Variants in FGD1 observed in about 807,000 individuals in gnomAD.
FGD1 encodes the protein FYVE, RhoGEF and PH domain containing 1, also known as FYVE, RhoGEF and PH domain-containing protein 1.
A neutral mutation model predicts 65.0 loss-of-function variants in FGD1; 12 were observed. The observed-to-expected ratio is 0.18, with a 90% CI of 0.12 to 0.30. The LOEUF (loss-of-function observed/expected upper bound fraction) is 0.30, where lower values mean the gene tolerates loss of function less well. Ranked by LOEUF, FGD1 falls within the 10% of genes least tolerant of loss-of-function variation. The pLI is 1.00. For synonymous variants in FGD1, 333 were observed against 343.9 expected (o/e 0.97, Z 0.35); for missense variants, 542 against 837.6 (o/e 0.65, Z 4.36).
At chrX:54,484,148 C>G (rs148726601) in intron 1 of FGD1, among the ~76,000 whole-genome samples, 1 of 112,184 alleles carries the variant, frequency 8.9e-6, no homozygotes, top group Non-Finnish European at 1.9e-5. Context: ...TGCTCTCTTC[C>G]GCCTAGGGCT....
Position 54,446,342 on chromosome X carries a change from C to T in FGD1, c.2653G>A (p.Asp885Asn). The T allele has an allele frequency of 8.3e-7, 1 of 1,211,007 alleles. No homozygotes were observed. The highest frequency in any genetic ancestry group is 1.1e-6 in the Non-Finnish European group (1 of 895,039). ...GTGATCTTGAAGACATGCCTTCTGT[C>T]AGGCCGCTCCCCTGCCTCGGGCGGT... ...VGPPEAGERP[D>N]RRHVFKITQS... The change falls in exon 18 of 18, where the codon GAC becomes AAC. Residue 885 changes from aspartate (D) to asparagine (N), a missense_variant. Around this residue, in one of 6 missense-constraint regions of FGD1, gnomAD observed 182 missense variants for 311.4 expected, o/e 0.58. Transcript: ENST00000375135.
rs1025008938 is a variant in FGD1, at chrX:54,456,444, A to G, written c.1695+65T>C. ...GATGCCCACAAGTCACGACACCCCC[A>G]CTCCAGGATGGAGACACCACAGGTG... On this transcript the variant is annotated intron_variant, in intron 9 of 17. Transcript: ENST00000375135. 1.5e-5 allele frequency: 18 copies of G among 1,203,487 alleles called. No individual in the cohort carries two copies. In the African/African-American group the frequency reaches 2.8e-4, roughly 19 times the overall value.
chrX:54,476,763 T>C (rs1405800477), intron 1 of FGD1, among the ~76,000 whole-genome samples: 1 of 111,080 alleles, frequency 9.0e-6, no homozygotes, highest in African/African-American at 3.3e-5. Flanking sequence ...AACGGATTTA[T>C]AATTCCCCAA....
chrX:54,455,659 C>T, intron 11 of FGD1, 33 bp downstream of exon 11: 1 of 1,152,738 alleles, frequency 8.7e-7, no homozygotes, highest in Middle Eastern at 2.5e-4. Flanking sequence ...TGCCCCACTC[C>T]AAGTTCCCAT....
chrX:54,460,601 C>T (rs1303382862), intron 8 of FGD1, among the ~76,000 whole-genome samples: 2 of 111,166 alleles, frequency 1.8e-5, no homozygotes, highest in Non-Finnish European at 1.9e-5. Context: ...TTTAGCTAGG[C>T]GTGGTGGTGG....
At chrX:54,455,997 T>A (rs992192199) in intron 10 of FGD1, among the ~76,000 whole-genome samples, 1 of 112,525 alleles carries the variant, frequency 8.9e-6, no homozygotes, top group South Asian at 3.6e-4. Context: ...GCAAGGCTTA[T>A]TTGCCTCATC....
rs780741710 is a variant in FGD1, at chrX:54,447,338, C to G, written c.2553G>C (p.Leu851Phe). The part of the protein sequence containing the change: ...AWFVVPENEP[L>F]VLYIYGAPQD... ...GAGGGGCTCCGTAGATATACAGCACCAAGGGTTCATTTTCAGGGACCACGA... is the reference window on the plus strand; with the variant it reads ...GAGGGGCTCCGTAGATATACAGCACGAAGGGTTCATTTTCAGGGACCACGA... The change falls in exon 17 of 18, where the codon TTG becomes TTC. Residue 851 changes from leucine (L) to phenylalanine (F), a missense_variant. By Grantham distance (22) the Leu-to-Phe change is conservative (BLOSUM62 0). Around this residue, in one of 6 missense-constraint regions of FGD1, gnomAD observed 182 missense variants for 311.4 expected, o/e 0.58. Transcript: ENST00000375135. 1.2e-5 allele frequency: 14 copies of G among 1,210,458 alleles called. No homozygotes were observed. Among genetic ancestry groups the G allele is most frequent in the Non-Finnish European group, 1.2e-5 (11 of 895,263 alleles).
intron 16 of FGD1, among the ~76,000 whole-genome samples, chrX:54,447,719 T>C (rs1248931113): frequency 2.7e-5 from 3 of 112,539 alleles, no homozygotes; most frequent in African/African-American, 9.7e-5. Context: ...GCATTCTTTC[T>C]TCAGTCAGAG....
intron 3 of FGD1, 58 bp downstream of exon 3, chrX:54,470,525 C>T: frequency 8.5e-7 from 1 of 1,175,251 alleles, no homozygotes; most frequent in Middle Eastern, 2.3e-4. Flanking sequence ...TCCTGACTAT[C>T]CCTTCCTGTC....
At chrX:54,450,558 T>C (rs1922352426) in intron 12 of FGD1, among the ~76,000 whole-genome samples, 1 of 111,066 alleles carries the variant, frequency 9.0e-6, no homozygotes, top group African/African-American at 3.3e-5. Flanking sequence ...CATGGTCTAG[T>C]AGAGGAAATA....
At chrX:54,448,728 G>C (rs374644422) in intron 16 of FGD1, 78 bp downstream of exon 16, 6 of 1,051,360 alleles carry the variant, frequency 5.7e-6, no homozygotes, top group Non-Finnish European at 7.9e-6. Context: ...CCAAATACTC[G>C]GGCCTCCTCA....
chrX:54,470,437 G>A lies in FGD1; in HGVS notation c.680C>T (p.Ser227Leu). Residue 227 changes from serine to leucine, a missense_variant, in exon 4 of 18, where the codon TCG becomes TTG. By Grantham distance (145) the Ser-to-Leu change is moderately radical. Transcript: ENST00000375135. ...GCTGGGGCCAGGGACTGGTCTATCC[G>A]AGGCGACAATCACAGGCTCTCTGAG... Reference protein sequence around the residue: ...KFEREPVIVASDRPVPGPSPG... With the variant: ...KFEREPVIVALDRPVPGPSPG... The A allele has an allele frequency of 2.5e-6, 3 of 1,206,268 alleles. No homozygotes were observed. The highest frequency in any genetic ancestry group is 3.4e-6 in the Non-Finnish European group (3 of 894,771).
intron 1 of FGD1, among the ~76,000 whole-genome samples, chrX:54,472,280 G>GAA (rs370414827): frequency 2.7e-5 from 2 of 75,281 alleles, no homozygotes; most frequent in Admixed American, 1.6e-4. Context: ...GCTGTCTCAA[G>GAA]AAAAAAAAAA....
chrX:54,460,936 A>G (rs1474242859), intron 8 of FGD1, among the ~76,000 whole-genome samples: 1 of 111,460 alleles, frequency 9.0e-6, no homozygotes, highest in Non-Finnish European at 1.9e-5. Flanking sequence ...ATTACTTCTC[A>G]AAACAACCAT....
intron 1 of FGD1, among the ~76,000 whole-genome samples, chrX:54,477,656 C>T (rs182396408): frequency 0.011 from 1,216 of 108,849 alleles, 51 homozygotes; most frequent in Admixed American, 0.089. Flanking sequence ...CTCGATCTCC[C>T]GACCTCAGGT....
chrX:54,455,634 T>C, intron 11 of FGD1, 58 bp downstream of exon 11: 1 of 1,103,903 alleles, frequency 9.1e-7, no homozygotes, highest in Admixed American at 2.4e-5. Flanking sequence ...GCATCTTTGT[T>C]CCTCCCAACA....
Position 54,471,376 on chromosome X carries a change from G to A in FGD1, c.419C>T (p.Pro140Leu), listed in dbSNP as rs1382123558. ...AGGACGCTGGCTAGGGGTTTCAGTCGGGGGACCTGGGTCTGAGCGAAGCCG... is the reference window on the plus strand; with the variant it reads ...AGGACGCTGGCTAGGGGTTTCAGTCAGGGGACCTGGGTCTGAGCGAAGCCG... ...PQRLRSDPGP[P>L]TETPSQRPSP... is the part of the protein sequence containing the mutation. Residue 140 changes from proline (P) to leucine (L), a missense_variant, in exon 2 of 18, where the codon CCG (proline) becomes CTG (leucine). Pro to Leu is a moderately conservative substitution (Grantham distance 98). Around this residue, in one of 6 missense-constraint regions of FGD1, gnomAD observed 297 missense variants for 326.8 expected, o/e 0.91. Coordinates refer to ENST00000375135, the MANE Select transcript of FGD1 (RefSeq NM_004463.3). 4 of 1,211,143 alleles carry A rather than the reference G, an allele frequency of 3.3e-6. No individual in the cohort carries two copies. The highest frequency in any genetic ancestry group is 1.7e-5 in the African/African-American group (1 of 57,901).
intron 1 of FGD1, among the ~76,000 whole-genome samples, chrX:54,485,989 G>A (rs1923264924): frequency 1.8e-5 from 2 of 110,394 alleles, no homozygotes; most frequent in Non-Finnish European, 3.8e-5. Flanking sequence ...TGGCCAGGAT[G>A]GTCTCAATCT....
intron 1 of FGD1, among the ~76,000 whole-genome samples, chrX:54,490,403 G>A (rs779946225): frequency 1.5e-4 from 17 of 111,152 alleles, no homozygotes; most frequent in Admixed American, 7.7e-4. Context: ...TTAAAATGTT[G>A]TTCAAAAAAA....
Sources: gnomAD v4.1 joint callset for allele counts (sites outside exome capture counted in the v4.1 genomes callset) on GRCh38, gnomAD v4.1.1 for gene constraint, gnomAD v4.1.1 regional missense constraint, MANE v1.5 for transcripts, NCBI Gene and HGNC (gene_info 2026-07-23, HGNC 2026-07-21) for gene names.